The following ITGA8 variants were observed in gnomAD, a reference collection of about 807,000 sequenced individuals.
ITGA8 encodes integrin subunit alpha 8.
In ITGA8, 91 loss-of-function variants were observed where a neutral mutation model predicts 142.3. The ratio of observed to expected loss-of-function variants is 0.64; its 90% CI spans 0.54 to 0.76. ITGA8 has a LOEUF of 0.76. Among genes scored for constraint, ITGA8 ranks in the 30% least tolerant of loss-of-function variants. ITGA8 has a pLI of 0.00. For missense variants in ITGA8, 1,406 were observed against 1,327.7 expected (o/e 1.06, Z -0.92); for synonymous variants, 505 against 485.2 (o/e 1.04, Z -0.54).
At chr10:15,557,380 C>T (rs545482711) in intron 26 of ITGA8, among the ~76,000 whole-genome samples, 15 of 151,926 alleles carry the variant, frequency 9.9e-5, no homozygotes, top group East Asian at 5.8e-4. Flanking sequence ...ACTCTGTCTC[C>T]GAACAAACAA....
At chr10:15,648,723 A>T (rs1275768419) in intron 11 of ITGA8, among the ~76,000 whole-genome samples, 2 of 152,120 alleles carry the variant, frequency 1.3e-5, no homozygotes, top group Non-Finnish European at 2.9e-5. Context: ...ACACTCCAAC[A>T]TCACTCTAAC....
intron 26 of ITGA8, among the ~76,000 whole-genome samples, chr10:15,555,415 A>C (rs1833869422): frequency 6.6e-6 from 1 of 152,214 alleles, no homozygotes; most frequent in Admixed American, 6.5e-5. Flanking sequence ...ATGTTGAGAA[A>C]ACAACACTGA....
At position 15,559,132 on chromosome 10, in the gene ITGA8, A is replaced by G. The variant is rs191600296; in HGVS notation, c.2638-930T>C. ...AAATGAGAGTGCTCAGTATGTCATG[A>G]AAACCTGGAAAAACCTACTAGACAA... On this transcript the variant is annotated intron_variant, in intron 25 of 29. Transcript: ENST00000378076. Among the ~76,000 whole-genome samples the G allele has an allele frequency of 6.5e-3, 988 of 152,346 alleles. 8 individuals carry two copies. The highest frequency in any genetic ancestry group is 0.015 in the South Asian group (71 of 4,828).
chr10:15,703,665 G>A (rs1039669407), intron 2 of ITGA8, among the ~76,000 whole-genome samples: 8 of 152,116 alleles, frequency 5.3e-5, no homozygotes, highest in Non-Finnish European at 7.4e-5. Flanking sequence ...CTGAGACAAC[G>A]TTGACCTCAT....
intron 25 of ITGA8, among the ~76,000 whole-genome samples, chr10:15,561,375 C>T (rs1370420350): frequency 6.6e-6 from 1 of 151,544 alleles, no homozygotes; most frequent in Non-Finnish European, 1.5e-5. Context: ...TTACATGTTG[C>T]TTGATATATT....
At chr10:15,708,144 A>G (rs1486933774) in intron 2 of ITGA8, among the ~76,000 whole-genome samples, 4 of 152,160 alleles carry the variant, frequency 2.6e-5, no homozygotes, top group Non-Finnish European at 4.4e-5. Flanking sequence ...CAGGGTTGCA[A>G]ATAGTAGCCC....
chr10:15,617,399 G>GTTTT (rs11448806), intron 13 of ITGA8, among the ~76,000 whole-genome samples: 5 of 148,002 alleles, frequency 3.4e-5, no homozygotes, highest in Non-Finnish European at 6.0e-5. Flanking sequence ...CAAACTGTCT[G>GTTTT]TTTTTTTTTT....
intron 3 of ITGA8, among the ~76,000 whole-genome samples, chr10:15,687,496 G>C (rs922741737): frequency 4.6e-5 from 7 of 152,124 alleles, no homozygotes; most frequent in Non-Finnish European, 1.0e-4. Flanking sequence ...GAATCATGCA[G>C]TTAGCCGTTT....
intron 27 of ITGA8, among the ~76,000 whole-genome samples, chr10:15,531,516 T>C (rs1446689534): frequency 6.9e-6 from 1 of 145,586 alleles, no homozygotes; most frequent in Non-Finnish European, 1.5e-5. Context: ...ATCAGAGTCC[T>C]AAAAAGGAGC....
In ITGA8 at chr10:15,671,632, G is replaced by C; in HGVS notation, c.818C>G (p.Ala273Gly). Residue 273 changes from alanine (A) to glycine (G), a missense_variant, in exon 8 of 30, where the codon GCT becomes GGT. Transcript: ENST00000378076. ...DDSYLGYSVAAGEFTGDSQQE... is the reference protein window; with the variant it reads ...DDSYLGYSVAGGEFTGDSQQE... ...CTGAGAATCCCCAGTAAACTCCCCA[G>C]CAGCAACTGAGTATCCTGTTTTAAA... 6.2e-7 allele frequency: 1 copy of C among 1,612,368 alleles called. No individual in the cohort carries two copies. The highest frequency in any genetic ancestry group is 8.5e-7 in the Non-Finnish European group (1 of 1,178,676).
chr10:15,539,304 C>T (rs935794319), intron 27 of ITGA8, among the ~76,000 whole-genome samples: 4 of 152,138 alleles, frequency 2.6e-5, no homozygotes, highest in African/African-American at 9.7e-5. Flanking sequence ...AACACCTCAT[C>T]CCTTTGAATC....
At chr10:15,633,780 T>C (rs570786447) in intron 13 of ITGA8, among the ~76,000 whole-genome samples, 2 of 152,340 alleles carry the variant, frequency 1.3e-5, no homozygotes, top group African/African-American at 4.8e-5. Context: ...GGATCCCTTT[T>C]CCCCCCCTCA....
intron 8 of ITGA8, among the ~76,000 whole-genome samples, chr10:15,670,585 A>C (rs2131684215): frequency 6.6e-6 from 1 of 152,324 alleles, no homozygotes; most frequent in Non-Finnish European, 1.5e-5. Context: ...CCTTGCCTTC[A>C]AGGAGGTAGA....
intron 3 of ITGA8, among the ~76,000 whole-genome samples, chr10:15,684,745 A>G (rs1834805302): frequency 6.6e-6 from 1 of 152,082 alleles, no homozygotes. Context: ...CGAATAACTC[A>G]TATTTCTTTT....
rs760674232 is a variant in ITGA8 at position 15,607,822 on chromosome 10, G to A, written c.1619C>T (p.Ala540Val). ...QSIANTIVLM[A>V]EVQLDSLKQK... Reference sequence around the variant, plus strand: ...TTTCAGGGAATCTAATTGCACCTCTGCCATCAAGACTAAAGGACAGAAGTA... The same window carrying A: ...TTTCAGGGAATCTAATTGCACCTCTACCATCAAGACTAAAGGACAGAAGTA... Residue 540 changes from alanine (A) to valine (V), a missense_variant, in exon 17 of 30, where the codon GCA becomes GTA. By Grantham distance (64) the Ala-to-Val change is moderately conservative (BLOSUM62 0). Transcript: ENST00000378076. The A allele has an allele frequency of 6.2e-7, 1 of 1,612,182 alleles. No individual in the cohort carries two copies. Among genetic ancestry groups the A allele is most frequent in the South Asian group, 1.1e-5 (1 of 90,998 alleles).
chr10:15,586,707 G>A (rs1832839047), intron 22 of ITGA8, 43 bp from the exon 23 acceptor site: 2 of 1,112,332 alleles, frequency 1.8e-6, no homozygotes, highest in Non-Finnish European at 1.4e-6. Flanking sequence ...CTGCTCAGGA[G>A]TATTATTACA....
At chr10:15,568,752 T>C (rs534924257) in intron 25 of ITGA8, among the ~76,000 whole-genome samples, 1 of 152,302 alleles carries the variant, frequency 6.6e-6, no homozygotes, top group African/African-American at 2.4e-5. Flanking sequence ...GCCGTCAAAG[T>C]ATGTATTTGT....
At chr10:15,572,611 T>C (rs1007319124) in intron 24 of ITGA8, among the ~76,000 whole-genome samples, 1 of 152,224 alleles carries the variant, frequency 6.6e-6, no homozygotes, top group Non-Finnish European at 1.5e-5. Context: ...ATTTCCTCAG[T>C]TGAAGACCAT....
rs142232844 is a variant in ITGA8, at chr10:15,663,411, C to T, written c.848-2489G>A. On this transcript the variant is annotated intron_variant, in intron 8 of 29. Coordinates refer to ENST00000378076, the MANE Select transcript of ITGA8 (RefSeq NM_003638.3). ...AAAATATCCTTTTATTTTAGATATC[C>T]TCAAAACACTTAAAACCCAATCCAT... 1.8e-3 allele frequency among the ~76,000 whole-genome samples: 280 copies of T among 152,032 alleles called. 1 individual carries two copies. Among genetic ancestry groups the T allele is most frequent in the African/African-American group, 6.4e-3 (265 of 41,450 alleles).
Sources: gnomAD v4.1 joint callset for allele counts (sites outside exome capture counted in the v4.1 genomes callset) on GRCh38, gnomAD v4.1.1 for gene constraint, MANE v1.5 for transcripts, NCBI Gene and HGNC (gene_info 2026-07-23, HGNC 2026-07-21) for gene names.